FOXP1: variants seen among roughly 807,000 people sequenced by gnomAD.
The protein encoded by FOXP1 is forkhead box protein P1.
In FOXP1, 15 loss-of-function variants were observed where a neutral mutation model predicts 98.2. That is an observed-to-expected ratio of 0.15 (90% CI 0.10 to 0.24). FOXP1 has a LOEUF of 0.24. Ranked by LOEUF, FOXP1 falls within the 10% of genes least tolerant of loss-of-function variation. FOXP1 has a pLI of 1.00. For synonymous variants in FOXP1, 371 were observed against 314.5 expected (o/e 1.18, Z -1.90); for missense variants, 633 against 848.5 (o/e 0.75, Z 3.15).
chr3:71,429,738 C>T (rs28413694), intron 3 of FOXP1, among the ~76,000 whole-genome samples: 12,811 of 152,104 alleles, frequency 0.084, 736 homozygotes, highest in African/African-American at 0.16. Context: ...TAAGACTTTC[C>T]GAGGAACTCG....
intron 3 of FOXP1, among the ~76,000 whole-genome samples, chr3:71,364,087 T>G (rs994206922): frequency 6.6e-6 from 1 of 152,168 alleles, no homozygotes; most frequent in African/African-American, 2.4e-5. Context: ...CCCGAGCAGC[T>G]GGGACTACAG....
intron 3 of FOXP1, among the ~76,000 whole-genome samples, chr3:71,365,319 C>T (rs1429543446): frequency 1.7e-4 from 26 of 152,024 alleles, no homozygotes; most frequent in Non-Finnish European, 4.4e-5. Context: ...GCTCAGCTTC[C>T]ACTCACTCAC....
At chr3:71,245,160 T>C (rs1185138121) in intron 5 of FOXP1, 2 of 152,212 alleles carry the variant, frequency 1.3e-5, no homozygotes, top group African/African-American at 2.4e-5. Context: ...TTGTTTCTTA[T>C]TGTCTGAGAA....
At chr3:71,024,273 C>CT (rs1423221388) in intron 11 of FOXP1, among the ~76,000 whole-genome samples, 6 of 152,202 alleles carry the variant, frequency 3.9e-5, no homozygotes, top group Admixed American at 2.6e-4. Flanking sequence ...ACTGAAAACA[C>CT]TTTGAGAAGC....
chr3:71,253,641 T>C (rs931016965), intron 5 of FOXP1, among the ~76,000 whole-genome samples: 3 of 152,198 alleles, frequency 2.0e-5, no homozygotes, highest in African/African-American at 7.2e-5. Flanking sequence ...AACTCGAAGA[T>C]TTAACTCTGA....
intron 3 of FOXP1, among the ~76,000 whole-genome samples, chr3:71,398,029 T>A (rs1012600401): frequency 9.2e-5 from 14 of 152,190 alleles, no homozygotes; most frequent in African/African-American, 3.4e-4. Flanking sequence ...GTCCACAGAA[T>A]AGCTTTTAAG....
rs1433036143 is a variant in FOXP1, at chr3:71,331,345, G to A, written c.-73+27805C>T. 2.0e-5 allele frequency among the ~76,000 whole-genome samples: 3 copies of A among 152,252 alleles called. No individual in the cohort carries two copies. The East Asian group carries it at 5.8e-4, about 29-fold the overall frequency. Reference sequence around the variant, plus strand: ...CCCCGCGGGGCAGGGCTTAGGACCTGCAGCCTTCCATGCCTGAGCCTCCCC... The same window carrying A: ...CCCCGCGGGGCAGGGCTTAGGACCTACAGCCTTCCATGCCTGAGCCTCCCC... On this transcript the variant is annotated intron_variant, in intron 4 of 20. Transcript: ENST00000649528.
intron 7 of FOXP1, among the ~76,000 whole-genome samples, chr3:71,097,138 T>A (rs922450194): frequency 6.6e-6 from 1 of 152,162 alleles, no homozygotes; most frequent in Non-Finnish European, 1.5e-5. Context: ...TATCCAGTCA[T>A]CTAAAGCACA....
intron 3 of FOXP1, among the ~76,000 whole-genome samples, chr3:71,482,431 AG>A (rs1270991731): frequency 2.2e-5 from 3 of 135,224 alleles, no homozygotes; most frequent in African/African-American, 8.6e-5. Flanking sequence ...TACAATGGTG[AG>A]GTCTCAGCTC....
intron 4 of FOXP1, chr3:71,333,580 T>G (rs1360459098): frequency 6.6e-6 from 1 of 152,242 alleles, no homozygotes; most frequent in Non-Finnish European, 1.5e-5. Flanking sequence ...CCCAGCACTT[T>G]GGGAGGCCGA....
At chr3:71,423,675 G>A (rs1442517060) in intron 3 of FOXP1, among the ~76,000 whole-genome samples, 1 of 152,228 alleles carries the variant, frequency 6.6e-6, no homozygotes, top group African/African-American at 2.4e-5. Context: ...GGGCCTCCCA[G>A]GCTGGCCTGT....
chr3:71,014,527 C>T (rs1046088500), intron 12 of FOXP1, among the ~76,000 whole-genome samples: 1 of 152,202 alleles, frequency 6.6e-6, no homozygotes, highest in African/African-American at 2.4e-5. Flanking sequence ...AATAGGAACA[C>T]TTTTACAGTG....
chr3:71,575,758 G>C (rs1456137250), intron 2 of FOXP1, among the ~76,000 whole-genome samples: 1 of 152,176 alleles, frequency 6.6e-6, no homozygotes, highest in Non-Finnish European at 1.5e-5. Context: ...CTGTATCATT[G>C]GATCCCTAAG....
intron 6 of FOXP1, among the ~76,000 whole-genome samples, chr3:71,126,235 A>G (rs1471118664): frequency 6.6e-6 from 1 of 152,168 alleles, no homozygotes; most frequent in Non-Finnish European, 1.5e-5. Context: ...CTGTAATCCC[A>G]GCAATTTGGG....
chr3:71,313,591 T>C (rs2074860273), intron 4 of FOXP1, among the ~76,000 whole-genome samples: 1 of 151,732 alleles, frequency 6.6e-6, no homozygotes, highest in African/African-American at 2.4e-5. Context: ...AGTGGCGCTA[T>C]CTCTGCTCAC....
intron 3 of FOXP1, among the ~76,000 whole-genome samples, chr3:71,394,827 G>A (rs1294345232): frequency 1.3e-5 from 2 of 152,126 alleles, no homozygotes; most frequent in Non-Finnish European, 2.9e-5. Context: ...GAGGCTGGGC[G>A]CGGTGGCTAA....
At chr3:71,140,394 C>T (rs1334673047) in intron 6 of FOXP1, among the ~76,000 whole-genome samples, 1 of 152,166 alleles carries the variant, frequency 6.6e-6, no homozygotes, top group Admixed American at 6.5e-5. Context: ...ATCATGGTGG[C>T]ACTCAAGAAG....
chr3:71,259,546 T>A (rs1404919248), intron 5 of FOXP1, among the ~76,000 whole-genome samples: 1 of 152,150 alleles, frequency 6.6e-6, no homozygotes, highest in Non-Finnish European at 1.5e-5. Context: ...ATGATCCCTG[T>A]GTTGGAAGAA....
chr3:70,956,272 C>G lies in FOXP1; in HGVS notation c.*2975G>C, dbSNP rs2031757488. On this transcript the variant is annotated 3_prime_UTR_variant, in exon 21 of 21. Coordinates refer to ENST00000649528, the MANE Select transcript of FOXP1 (RefSeq NM_001349338.3). Reference sequence around the variant, plus strand: ...AATAAACCCCATCCTAAAGAAGCAACTGGGATAACCCCCAGGGGATACAGA... The same window carrying G: ...AATAAACCCCATCCTAAAGAAGCAAGTGGGATAACCCCCAGGGGATACAGA... 4.3e-6 allele frequency: 1 copy of G among 233,544 alleles called. No homozygotes were observed. Among genetic ancestry groups the G allele is most frequent in the Non-Finnish European group, 8.5e-6 (1 of 117,972 alleles). The allele number at this position is 233,544 out of a possible 1,614,324, so 14.5% of individuals were successfully genotyped here. A position where few individuals can be genotyped will look rare whatever the true frequency, so the allele number is the denominator to read the frequency against.
Sources: gnomAD v4.1 joint callset for allele counts (sites outside exome capture counted in the v4.1 genomes callset) on GRCh38, gnomAD v4.1.1 for gene constraint, MANE v1.5 for transcripts, NCBI Gene and HGNC (gene_info 2026-07-23, HGNC 2026-07-21) for gene names.